The following ZC4H2 variants were observed in gnomAD, a reference collection of about 807,000 sequenced individuals.
ZC4H2 encodes zinc finger C4H2-type containing, also known as zinc finger C4H2 domain-containing protein.
For synonymous variants in ZC4H2, 84 were observed against 66.3 expected, an observed-to-expected ratio of 1.27 and a Z score of -1.30; for missense variants, 137 against 173.9, an observed-to-expected ratio of 0.79 and a Z score of 1.19.
At chrX:64,985,171 T>A (rs907749674) in intron 1 of ZC4H2, among the ~76,000 whole-genome samples, 3 of 111,820 alleles carry the variant, frequency 2.7e-5, no homozygotes, top group Admixed American at 9.5e-5. Context: ...AGTACAGGGG[T>A]CTTTTTTGTT....
intron 1 of ZC4H2, among the ~76,000 whole-genome samples, chrX:64,940,788 T>C (rs1207715449): frequency 8.9e-6 from 1 of 111,903 alleles, no homozygotes; most frequent in Non-Finnish European, 1.9e-5. Context: ...CCATGGTGTT[T>C]TGGTTACCAT....
chrX:64,995,237 C>T (rs1445544956), intron 1 of ZC4H2, among the ~76,000 whole-genome samples: 1 of 111,483 alleles, frequency 9.0e-6, no homozygotes, highest in Non-Finnish European at 1.9e-5. Flanking sequence ...CTTCATCAGG[C>T]TCTCAAAAAG....
At chrX:64,934,577 T>C (rs1327082075) in intron 1 of ZC4H2, among the ~76,000 whole-genome samples, 1 of 112,162 alleles carries the variant, frequency 8.9e-6, no homozygotes, top group Non-Finnish European at 1.9e-5. Flanking sequence ...AACAGCTCTG[T>C]CTGCAGCTCA....
intron 1 of ZC4H2, among the ~76,000 whole-genome samples, chrX:65,032,542 G>A (rs965464622): frequency 9.0e-6 from 1 of 111,449 alleles, no homozygotes; most frequent in Non-Finnish European, 1.9e-5. Flanking sequence ...CTATGTTATG[G>A]TCTTCCACAT....
rs140998717 is a variant in ZC4H2 at position 64,945,060 on chromosome X, C to A, written c.54-23072G>T. 1.1e-3 allele frequency among the ~76,000 whole-genome samples: 122 copies of A among 112,751 alleles called. 3 individuals are homozygous for A. In the East Asian group the frequency reaches 0.026, roughly 24 times the overall value. On this transcript the variant is annotated intron_variant, in intron 1 of 4. Transcript: ENST00000374839. Reference sequence around the variant, plus strand: ...CTCAGAGAAGTTTGTTATTACCCACCTTCTGAAGCCTACTTCTGTCATTTC... The same window carrying A: ...CTCAGAGAAGTTTGTTATTACCCACATTCTGAAGCCTACTTCTGTCATTTC...
intron 4 of ZC4H2, 76 bp from the exon 5 acceptor site, chrX:64,917,972 G>A: frequency 9.1e-7 from 1 of 1,104,331 alleles, no homozygotes; most frequent in Non-Finnish European, 1.2e-6. Flanking sequence ...TGATTCCCCA[G>A]GGGCCCAGAA....
At chrX:65,003,474 A>G (rs1334364378) in intron 1 of ZC4H2, among the ~76,000 whole-genome samples, 55 of 112,437 alleles carry the variant, frequency 4.9e-4, no homozygotes, top group Non-Finnish European at 5.6e-5. Flanking sequence ...AAACCCTGCA[A>G]AAAATCAATG....
chrX:65,001,743 G>C (rs1034146076), intron 1 of ZC4H2, among the ~76,000 whole-genome samples: 6 of 111,733 alleles, frequency 5.4e-5, no homozygotes, highest in African/African-American at 2.0e-4. Context: ...AAGAGATGGA[G>C]GAATATTTAC....
intron 1 of ZC4H2, among the ~76,000 whole-genome samples, chrX:64,956,355 T>C (rs975485691): frequency 9.0e-6 from 1 of 111,382 alleles, no homozygotes; most frequent in African/African-American, 3.3e-5. Flanking sequence ...GTTGGTGTTA[T>C]CCTCCCAATA....
intron 1 of ZC4H2, among the ~76,000 whole-genome samples, chrX:64,989,327 G>C (rs1014716780): frequency 4.5e-5 from 5 of 111,715 alleles, no homozygotes; most frequent in African/African-American, 1.6e-4. Flanking sequence ...CCATTTTCAC[G>C]ATATTGATTC....
chrX:64,956,791 T>C (rs1188965950), intron 1 of ZC4H2, among the ~76,000 whole-genome samples: 2 of 111,824 alleles, frequency 1.8e-5, no homozygotes, highest in Non-Finnish European at 3.8e-5. Context: ...ATTTTGTTTT[T>C]CTCCTGCAAA....
chrX:64,970,335 T>C (rs1048107228), intron 1 of ZC4H2, among the ~76,000 whole-genome samples: 1 of 111,510 alleles, frequency 9.0e-6, no homozygotes, highest in African/African-American at 3.3e-5. Context: ...TTTGGCTTAA[T>C]TTGCCCATCC....
At chrX:64,960,515 G>A (rs755018940) in intron 1 of ZC4H2, among the ~76,000 whole-genome samples, 55 of 111,606 alleles carry the variant, frequency 4.9e-4, no homozygotes, top group African/African-American at 1.7e-3. Flanking sequence ...AATTCATAAA[G>A]CATTAAAATA....
intron 1 of ZC4H2, among the ~76,000 whole-genome samples, chrX:65,025,088 T>C (rs1289229110): frequency 1.8e-5 from 2 of 110,717 alleles, no homozygotes; most frequent in Non-Finnish European, 3.8e-5. Context: ...TCATATTTAT[T>C]TTCTAAAAGC....
upstream of ZC4H2, among the ~76,000 whole-genome samples, chrX:64,978,458 C>T (rs1011888925): frequency 8.9e-6 from 1 of 111,895 alleles, no homozygotes; most frequent in East Asian, 2.8e-4. Flanking sequence ...CAAGAACTGG[C>T]CCCAGCTCTG....
chrX:64,918,137 A>G (rs188368960), intron 4 of ZC4H2: 99 of 283,578 alleles, frequency 3.5e-4, no homozygotes, highest in African/African-American at 2.5e-3. Context: ...CAAAATGAGA[A>G]CTACACATCT....
chrX:64,950,362 G>A (rs1313287327), intron 1 of ZC4H2, among the ~76,000 whole-genome samples: 1 of 111,558 alleles, frequency 9.0e-6, no homozygotes, highest in Non-Finnish European at 1.9e-5. Flanking sequence ...TGTCTATTAG[G>A]TCTGCTCGGT....
Position 64,919,209 on chromosome X carries a change from G to A in ZC4H2, c.399-5C>T, listed in dbSNP as rs769885916. The A allele has an allele frequency of 2.5e-6, 3 of 1,210,667 alleles. No individual in the cohort carries two copies. The South Asian group carries it at 5.3e-5, about 21-fold the overall frequency. On this transcript the variant is annotated splice_region_variant and splice_polypyrimidine_tract_variant and intron_variant, in intron 3 of 4. Transcript: ENST00000374839. ...GCTTTCTGCTTCTCAAAGTAACTTT[G>A]GAGATGAGAGACACTGGCTAGATCA...
At chrX:64,955,816 T>C (rs1024560261) in intron 1 of ZC4H2, among the ~76,000 whole-genome samples, 13 of 112,190 alleles carry the variant, frequency 1.2e-4, no homozygotes, top group African/African-American at 3.9e-4. Flanking sequence ...GATAACCTTA[T>C]ACTTTGACAG....
Sources: allele counts gnomAD v4.1 joint callset (sites outside exome capture counted in the v4.1 genomes callset), GRCh38; gene constraint gnomAD v4.1.1; transcripts MANE v1.5; gene names NCBI Gene and HGNC (gene_info 2026-07-23, HGNC 2026-07-21).